Variants in SASH1 observed in about 807,000 individuals in gnomAD.
SASH1 encodes the protein SAM and SH3 domain containing 1.
SASH1 carries 44 observed loss-of-function variants against 125.2 expected under a neutral mutation model. The observed-to-expected ratio is 0.35, with a 90% CI of 0.28 to 0.45. The LOEUF (loss-of-function observed/expected upper bound fraction) is 0.45, where lower values mean the gene tolerates loss of function less well. Ranked by LOEUF, SASH1 falls within the 20% of genes least tolerant of loss-of-function variation. The pLI, the probability that SASH1 is intolerant of heterozygous loss-of-function variation, is 1.00. For synonymous variants in SASH1, 639 were observed against 649.1 expected (o/e 0.98, Z 0.24); for missense variants, 1,426 against 1,614.5 (o/e 0.88, Z 2.00).
At position 148,548,621 on chromosome 6, in the gene SASH1, G is replaced by A; in HGVS notation, c.*63G>A. On this transcript the variant is annotated 3_prime_UTR_variant, in exon 20 of 20. Coordinates refer to ENST00000367467, the MANE Select transcript of SASH1 (RefSeq NM_015278.5). ...CTTTCACTGTGCATATGATGCTGAT[G>A]CAATTCCTCCATCATCTCTGGACGT... 1 of 1,500,472 alleles carries A rather than the reference G, an allele frequency of 6.7e-7. No individual in the cohort carries two copies. Among genetic ancestry groups the A allele is most frequent in the Non-Finnish European group, 8.9e-7 (1 of 1,120,096 alleles). The allele number at this position is 1,500,472 out of a possible 1,614,324, so 92.9% of individuals were successfully genotyped here.
intron 1 of SASH1, among the ~76,000 whole-genome samples, chr6:148,311,089 C>A (rs1582949798): frequency 6.7e-6 from 1 of 149,414 alleles, no homozygotes; most frequent in Non-Finnish European, 1.5e-5. Context: ...TTCTTTTTTT[C>A]TTTTCTTTTT....
chr6:148,342,114 G>C (rs1225920129), upstream of SASH1, among the ~76,000 whole-genome samples: 2 of 152,160 alleles, frequency 1.3e-5, no homozygotes, highest in Non-Finnish European at 2.9e-5. Context: ...AAAACCCAAA[G>C]CGCATTTCCC....
intron 7 of SASH1, chr6:148,480,462 G>A (rs886822538): frequency 6.6e-6 from 1 of 152,094 alleles, no homozygotes; most frequent in African/African-American, 2.4e-5. Flanking sequence ...CATTCCTGCA[G>A]GCCACCAAAT....
chr6:148,455,998 T>C (rs1777325449), intron 4 of SASH1, among the ~76,000 whole-genome samples: 1 of 152,134 alleles, frequency 6.6e-6, no homozygotes, highest in South Asian at 2.1e-4. Flanking sequence ...AGGCCCCACA[T>C]CCCTCCAGGG....
intron 1 of SASH1, among the ~76,000 whole-genome samples, chr6:148,285,692 CAAGTGAA>C (rs1450869133): frequency 6.6e-6 from 1 of 152,062 alleles, no homozygotes; most frequent in Non-Finnish European, 1.5e-5. Flanking sequence ...CTTTACTTTT[CAAGTGAA>C]AAGTGAAATG....
chr6:148,217,059 A>G, the SASH1 span, among the ~76,000 whole-genome samples: 1 of 152,114 alleles, frequency 6.6e-6, no homozygotes, highest in African/African-American at 2.4e-5. Flanking sequence ...GAAGATAGTA[A>G]TAGCATCCCT....
chr6:148,234,856 G>A, the SASH1 span, among the ~76,000 whole-genome samples: 1 of 151,600 alleles, frequency 6.6e-6, no homozygotes, highest in Non-Finnish European at 1.5e-5. Context: ...AGGAGGAGGA[G>A]GAACTGAAAG....
chr6:148,454,355 AC>A (rs1777239380), intron 4 of SASH1, among the ~76,000 whole-genome samples: 2 of 152,192 alleles, frequency 1.3e-5, no homozygotes, highest in Admixed American at 1.3e-4. Flanking sequence ...AAAAAGAGCT[AC>A]TTTCTGCATT....
At chr6:148,265,975 C>CTTTT in the SASH1 span, among the ~76,000 whole-genome samples, 1 of 145,640 alleles carries the variant, frequency 6.9e-6, no homozygotes, top group Non-Finnish European at 1.5e-5. Flanking sequence ...TTCAGCAATT[C>CTTTT]TTTTTTTTTT....
the SASH1 span, among the ~76,000 whole-genome samples, chr6:148,207,923 T>G: frequency 6.6e-6 from 1 of 152,302 alleles, no homozygotes; most frequent in African/African-American, 2.4e-5. Flanking sequence ...TGAATTAAAT[T>G]CATGACAAAA....
chr6:148,468,648 T>C (rs368033346), intron 5 of SASH1, 63 bp downstream of exon 5: 41 of 1,036,198 alleles, frequency 4.0e-5, no homozygotes, highest in Middle Eastern at 2.0e-4. Context: ...AAAACACGAA[T>C]ATGTGAAAAT....
intron 8 of SASH1, among the ~76,000 whole-genome samples, chr6:148,488,650 C>T (rs1303954817): frequency 6.6e-6 from 1 of 152,240 alleles, no homozygotes. Context: ...TTGCCTTTCT[C>T]ATCAACACTT....
At position 148,366,760 on chromosome 6, in the gene SASH1, C is replaced by A. The variant is rs545419355; in HGVS notation, c.157-23374C>A. On this transcript the variant is annotated intron_variant, in intron 1 of 19. Transcript: ENST00000367467. The stretch of plus-strand genomic sequence containing the variant: ...TTACAGGTACGGGCCACCAAGCCCG[C>A]GTAATTTTTGTATTTTTGGCAGAGA... Among the ~76,000 whole-genome samples, 13 of 151,898 alleles carry A rather than the reference C, an allele frequency of 8.6e-5. No individual in the cohort carries two copies. In the South Asian group the frequency reaches 1.7e-3, roughly 19 times the overall value.
At chr6:148,506,153 C>CAGTG (rs1244011768) in intron 8 of SASH1, among the ~76,000 whole-genome samples, 1 of 151,098 alleles carries the variant, frequency 6.6e-6, no homozygotes, top group African/African-American at 2.5e-5. Context: ...ATTTGAACTC[C>CAGTG]AGTGAGTTAT....
intron 8 of SASH1, among the ~76,000 whole-genome samples, chr6:148,507,127 A>T (rs1464020672): frequency 6.6e-6 from 1 of 151,652 alleles, no homozygotes; most frequent in African/African-American, 2.4e-5. Context: ...CAGGAGAAAG[A>T]AGAGGAAATT....
At chr6:148,452,839 C>G (rs1583184801) in intron 4 of SASH1, among the ~76,000 whole-genome samples, 1 of 152,212 alleles carries the variant, frequency 6.6e-6, no homozygotes, top group Non-Finnish European at 1.5e-5. Context: ...ATATGCCCTT[C>G]CCACATGACC....
In SASH1 at chr6:148,549,901, C is replaced by G. The variant is rs1165409924; in HGVS notation, c.*1343C>G. ...CTTGGCTCACTGCAACCTCAGTCTC[C>G]CAGGTTCAAGTGATTCTCCTGCCTT... On this transcript the variant is annotated 3_prime_UTR_variant, in exon 20 of 20. Coordinates refer to ENST00000367467, the MANE Select transcript of SASH1 (RefSeq NM_015278.5). 3.3e-5 allele frequency: 7 copies of G among 209,092 alleles called. No individual in the cohort carries two copies. The highest frequency in any genetic ancestry group is 6.6e-5 in the Non-Finnish European group (7 of 106,290). 13.0% of individuals were successfully genotyped at this position (209,092 alleles called of 1,614,324 possible).
intron 10 of SASH1, among the ~76,000 whole-genome samples, chr6:148,520,774 G>T (rs1780762544): frequency 6.6e-6 from 1 of 152,172 alleles, no homozygotes; most frequent in African/African-American, 2.4e-5. Context: ...AGAGATGCTT[G>T]CTCTTGGTTT....
chr6:148,391,345 G>C (rs1365274367), intron 2 of SASH1, among the ~76,000 whole-genome samples: 1 of 150,878 alleles, frequency 6.6e-6, no homozygotes, highest in African/African-American at 2.4e-5. Flanking sequence ...CCGACTTCAG[G>C]TGACCACCCG....
Sources: gnomAD v4.1 joint callset for allele counts (sites outside exome capture counted in the v4.1 genomes callset) on GRCh38, gnomAD v4.1.1 for gene constraint, MANE v1.5 for transcripts, NCBI Gene and HGNC (gene_info 2026-07-23, HGNC 2026-07-21) for gene names.